Variants in AK9 observed in about 807,000 individuals in gnomAD.
AK9 encodes the protein adenylate kinase domain containing 1.
Under a neutral mutation model 239.6 loss-of-function variants are expected in AK9, and 191 were observed. The ratio of observed to expected loss-of-function variants is 0.80; its 90% CI spans 0.71 to 0.90. AK9 has a LOEUF of 0.90. Among genes scored for constraint, AK9 ranks in the 40% least tolerant of loss-of-function variants. The probability of loss-of-function intolerance (pLI) is 0.00; values close to 1 mark genes in which losing one functional copy is unlikely to be tolerated. For synonymous variants in AK9, 689 were observed against 721.0 expected (o/e 0.96, Z 0.71); for missense variants, 1,995 against 2,214.7 (o/e 0.90, Z 1.99).
intron 32 of AK9, among the ~76,000 whole-genome samples, chr6:109,511,603 C>G (rs1351537610): frequency 6.6e-6 from 1 of 152,094 alleles, no homozygotes; most frequent in East Asian, 1.9e-4. Flanking sequence ...TGTGTATATT[C>G]CTTGCCTGAG....
At chr6:109,529,568 T>G (rs1035470911) in intron 28 of AK9, among the ~76,000 whole-genome samples, 1 of 152,180 alleles carries the variant, frequency 6.6e-6, no homozygotes, top group African/African-American at 2.4e-5. Context: ...GTGCACTTTA[T>G]TTCTATTATT....
intron 29 of AK9, among the ~76,000 whole-genome samples, chr6:109,519,458 T>G (rs1406546871): frequency 6.6e-6 from 1 of 152,160 alleles, no homozygotes; most frequent in Non-Finnish European, 1.5e-5. Context: ...TTCCCTTTTC[T>G]TTGCAGCTTC....
At chr6:109,554,321 G>A (rs1784703110) in intron 24 of AK9, among the ~76,000 whole-genome samples, 1 of 152,068 alleles carries the variant, frequency 6.6e-6, no homozygotes, top group African/African-American at 2.4e-5. Context: ...GAATGCATCT[G>A]ATCCTGGGCT....
chr6:109,577,443 C>CTTTTTTTTTT (rs201111888), intron 20 of AK9, among the ~76,000 whole-genome samples: 1 of 145,082 alleles, frequency 6.9e-6, no homozygotes, highest in South Asian at 2.2e-4. Flanking sequence ...GGTCTGGTTC[C>CTTTTTTTTTT]TTTTTTTTTT....
At chr6:109,611,893 T>A in intron 16 of AK9, 117 bp downstream of exon 16, 1 of 720,104 alleles carries the variant, frequency 1.4e-6, no homozygotes, top group Non-Finnish European at 2.3e-6. Flanking sequence ...TGGGTATTAA[T>A]CATGCTTTTA....
At chr6:109,550,738 T>C (rs1784258944) in intron 24 of AK9, among the ~76,000 whole-genome samples, 1 of 152,210 alleles carries the variant, frequency 6.6e-6, no homozygotes, top group African/African-American at 2.4e-5. Flanking sequence ...GGATATATGA[T>C]CAAATAATAA....
chr6:109,514,184 C>A (rs1779030636), intron 32 of AK9, 40 bp downstream of exon 32: 2 of 1,517,692 alleles, frequency 1.3e-6, no homozygotes, highest in Admixed American at 2.1e-5. Flanking sequence ...CAAGCAGATT[C>A]TTTTATGCTT....
chr6:109,646,001 C>T (rs1798010403), intron 8 of AK9, among the ~76,000 whole-genome samples: 1 of 152,168 alleles, frequency 6.6e-6, no homozygotes, highest in African/African-American at 2.4e-5. Context: ...GCTGAGGGTC[C>T]TAACTGTTAG....
intron 6 of AK9, 41 bp from the exon 7 acceptor site, chr6:109,659,454 T>C (rs1161851179): frequency 4.5e-6 from 7 of 1,564,666 alleles, no homozygotes; most frequent in Non-Finnish European, 8.7e-7. Flanking sequence ...ACATTTTGAA[T>C]ATGCTTTTAA....
At chr6:109,617,395 T>C (rs951959555) in intron 13 of AK9, among the ~76,000 whole-genome samples, 3 of 152,106 alleles carry the variant, frequency 2.0e-5, no homozygotes, top group Admixed American at 6.6e-5. Flanking sequence ...GGAGGATTTA[T>C]ATTATCACAA....
Position 109,650,031 on chromosome 6 carries a change from T to C in AK9, c.760-5343A>G, listed in dbSNP as rs149459296. On this transcript the variant is annotated intron_variant, in intron 8 of 40. Transcript: ENST00000424296. ...TGGTGCTGGGAAAACTGGCTAGCCA[T>C]ATGTAGAAAGCTGAAACTGGATCTC... Among the ~76,000 whole-genome samples, 912 of 152,280 alleles carry C rather than the reference T, an allele frequency of 6.0e-3. 8 individuals are homozygous for C. Among genetic ancestry groups the C allele is most frequent in the African/African-American group, 0.021 (874 of 41,546 alleles).
chr6:109,623,772 C>A (rs1386387646), intron 12 of AK9, among the ~76,000 whole-genome samples: 2 of 151,046 alleles, frequency 1.3e-5, no homozygotes. Context: ...AATTTTTTTC[C>A]TTTTTCCTTC....
intron 8 of AK9, among the ~76,000 whole-genome samples, chr6:109,654,602 A>G (rs954203082): frequency 6.6e-6 from 1 of 152,174 alleles, no homozygotes; most frequent in Admixed American, 6.5e-5. Context: ...AAGAGCTAGG[A>G]TTACAGGCAT....
chr6:109,597,005 T>C (rs1349518158), intron 17 of AK9, among the ~76,000 whole-genome samples: 3 of 152,200 alleles, frequency 2.0e-5, no homozygotes, highest in Non-Finnish European at 2.9e-5. Flanking sequence ...TAAATATTTA[T>C]GTCATTTGTA....
chr6:109,563,092 C>T (rs978068320), intron 24 of AK9, among the ~76,000 whole-genome samples: 1 of 152,188 alleles, frequency 6.6e-6, no homozygotes, highest in Admixed American at 6.5e-5. Context: ...CAGTTAATCA[C>T]AAGTCTATGT....
intron 21 of AK9, among the ~76,000 whole-genome samples, chr6:109,572,653 T>C (rs914097880): frequency 2.6e-5 from 4 of 152,228 alleles, no homozygotes; most frequent in African/African-American, 9.6e-5. Flanking sequence ...GTAATTTTCA[T>C]TAATTTCCCT....
chr6:109,657,199 G>A (rs1247354174), intron 7 of AK9, among the ~76,000 whole-genome samples: 1 of 152,130 alleles, frequency 6.6e-6, no homozygotes, highest in African/African-American at 2.4e-5. Context: ...GAACACCTGA[G>A]CTTGTAGTTC....
At chr6:109,539,793 C>A (rs1439225457) in intron 27 of AK9, among the ~76,000 whole-genome samples, 3 of 152,068 alleles carry the variant, frequency 2.0e-5, no homozygotes, top group Non-Finnish European at 4.4e-5. Flanking sequence ...TGTGGATGTC[C>A]TTTCTGTTTG....
chr6:109,669,360 C>T (rs2128331214), intron 5 of AK9, among the ~76,000 whole-genome samples: 1 of 152,076 alleles, frequency 6.6e-6, no homozygotes, highest in South Asian at 2.1e-4. Flanking sequence ...TTCCTCTTTT[C>T]CGAATTGAAT....
Sources: gnomAD v4.1 joint callset for allele counts (sites outside exome capture counted in the v4.1 genomes callset) on GRCh38, gnomAD v4.1.1 for gene constraint, MANE v1.5 for transcripts, NCBI Gene and HGNC (gene_info 2026-07-23, HGNC 2026-07-21) for gene names.